The following DEAF1 variants were observed in gnomAD, a reference collection of about 807,000 sequenced individuals.
The protein encoded by DEAF1 is deformed epidermal autoregulatory factor 1 homolog.
In DEAF1, 53 loss-of-function variants were observed where a neutral mutation model predicts 58.9. The ratio of observed to expected loss-of-function variants is 0.90; its 90% CI spans 0.72 to 1.13. DEAF1 has a LOEUF of 1.13. Ranked by LOEUF, DEAF1 falls within the 50% of genes most tolerant of loss-of-function variation. The pLI is 0.00. For missense variants in DEAF1, 685 were observed against 791.4 expected (o/e 0.87, Z 1.61); for synonymous variants, 385 against 340.4 (o/e 1.13, Z -1.44).
chr11:689,801 T>C (rs1225872655), intron 2 of DEAF1: 2 of 152,236 alleles, frequency 1.3e-5, no homozygotes, highest in African/African-American at 4.8e-5. Context: ...CACCAGTCTC[T>C]GGTCTTCCTG....
chr11:678,382 C>T (rs1860175298), intron 9 of DEAF1: 1 of 377,606 alleles, frequency 2.6e-6, no homozygotes, highest in Admixed American at 3.7e-5. Flanking sequence ...GAGTGTCTAC[C>T]CTCAAGAGGA....
chr11:691,966 C>T (rs543708634), intron 1 of DEAF1, among the ~76,000 whole-genome samples: 46 of 152,254 alleles, frequency 3.0e-4, no homozygotes, highest in African/African-American at 9.4e-4. Flanking sequence ...CCTATGCCTA[C>T]GAGGAGCTCT....
At chr11:651,510 A>G in intron 11 of DEAF1, 1 of 253,350 alleles carries the variant, frequency 3.9e-6, no homozygotes, top group Non-Finnish European at 7.6e-6. Flanking sequence ...CAGGAATGAT[A>G]ATTATAAACT....
intron 6 of DEAF1, among the ~76,000 whole-genome samples, 160 bp downstream of exon 6, chr11:684,738 A>C (rs1349800254): frequency 2.0e-5 from 3 of 152,128 alleles, no homozygotes; most frequent in Non-Finnish European, 4.4e-5. Context: ...GTGACGTATC[A>C]GGGAGGAGGG....
intron 4 of DEAF1, 67 bp downstream of exon 4, chr11:687,844 C>T (rs1590017543): frequency 1.2e-6 from 2 of 1,601,774 alleles, no homozygotes; most frequent in East Asian, 4.5e-5. Flanking sequence ...CTTTCTCAGC[C>T]CCCAATTTAT....
In DEAF1 at chr11:672,480, C is replaced by T. The variant is rs191217529; in HGVS notation, c.1503+2056G>A. ...ACGGCCTGGGATGATAATCACTGTT[C>T]GTTATGTGCTTGTCTAGTAGAATCT... On this transcript the variant is annotated intron_variant, in intron 10 of 11. Coordinates refer to ENST00000382409, the MANE Select transcript of DEAF1 (RefSeq NM_021008.4). Among the ~76,000 whole-genome samples the T allele has an allele frequency of 3.3e-5, 5 of 152,114 alleles. No homozygotes were observed. In the East Asian group the frequency reaches 9.6e-4, roughly 29 times the overall value.
At chr11:704,914 G>A (rs1000472372) in intron 1 of DEAF1, 5 of 352,436 alleles carry the variant, frequency 1.4e-5, no homozygotes, top group Non-Finnish European at 2.2e-5. Context: ...GTGAGGGCAC[G>A]GGTGCACCGA....
chr11:653,008 C>T (rs969117243), intron 11 of DEAF1, among the ~76,000 whole-genome samples: 2 of 148,156 alleles, frequency 1.3e-5, no homozygotes, highest in Non-Finnish European at 3.0e-5. Context: ...CGCTTGAACC[C>T]GGGAGGCAGA....
intron 10 of DEAF1, among the ~76,000 whole-genome samples, chr11:658,164 C>A (rs1355275447): frequency 6.6e-6 from 1 of 152,218 alleles, no homozygotes; most frequent in Non-Finnish European, 1.5e-5. Flanking sequence ...CACGGTGGCT[C>A]ACGCCTGTAA....
intron 11 of DEAF1, among the ~76,000 whole-genome samples, chr11:650,219 C>CA (rs2133277521): frequency 6.6e-6 from 1 of 151,182 alleles, no homozygotes; most frequent in Non-Finnish European, 1.5e-5. Context: ...ATTAAAAATA[C>CA]AAAAATTAGC....
rs139818031 is a variant in DEAF1 at position 650,747 on chromosome 11, G to A, written c.1593+3215C>T. Among the ~76,000 whole-genome samples, 142 of 151,970 alleles carry A rather than the reference G, an allele frequency of 9.3e-4. 1 individual carries two copies. The highest frequency in any genetic ancestry group is 3.2e-3 in the African/African-American group (134 of 41,498). On this transcript the variant is annotated intron_variant, in intron 11 of 11. Coordinates refer to ENST00000382409, the MANE Select transcript of DEAF1 (RefSeq NM_021008.4). ...CGGGGGTGGAACACTTGAGTCCAAGGGGTCGAGACCAGCCTGGGCAAAATG... is the reference window on the plus strand; with the variant it reads ...CGGGGGTGGAACACTTGAGTCCAAGAGGTCGAGACCAGCCTGGGCAAAATG...
intron 7 of DEAF1, 195 bp from the exon 8 acceptor site, chr11:680,011 G>GACCAGGATA (rs398038332): frequency 5.9e-6 from 4 of 673,578 alleles, no homozygotes; most frequent in African/African-American, 5.4e-5. Flanking sequence ...AAACCAGGAT[G>GACCAGGATA]GCCAGGATGG....
intron 7 of DEAF1, 45 bp downstream of exon 7, chr11:680,918 C>G: frequency 1.9e-6 from 3 of 1,613,954 alleles, no homozygotes; most frequent in Non-Finnish European, 2.5e-6. Context: ...AGGCAATGCA[C>G]TCAGGTCCCC....
rs541289136 is a variant in DEAF1 at position 701,718 on chromosome 11, G to C, written c.-438+4854C>G. Among the ~76,000 whole-genome samples the C allele has an allele frequency of 8.3e-3, 1,259 of 152,182 alleles. 15 individuals carry two copies. The highest frequency in any genetic ancestry group is 0.029 in the African/African-American group (1,198 of 41,530). On this transcript the variant is annotated intron_variant, in intron 1 of 11. Transcript: ENST00000683307. ...GCCACCGCGCCCGGCCGGAGACAGG[G>C]TTTCGCTATGTTACCCTGGTTGGTC...
chr11:679,597 C>A (rs899164495), intron 8 of DEAF1, 91 bp downstream of exon 8: 2 of 1,584,096 alleles, frequency 1.3e-6, no homozygotes, highest in East Asian at 2.2e-5. Context: ...AGGCACCCAG[C>A]AGCCTATGCA....
chr11:678,638 T>C lies in DEAF1; in HGVS notation c.1255+56A>G, dbSNP rs996371532. On this transcript the variant is annotated intron_variant, in intron 9 of 11. Coordinates refer to ENST00000382409, the MANE Select transcript of DEAF1 (RefSeq NM_021008.4). ...CCCATTTCACTTAGGAATTCTTTCA[T>C]TGGAAGCAATTCTGAGGACAATAAC... The C allele has an allele frequency of 1.8e-5, 29 of 1,611,320 alleles. No individual in the cohort carries two copies. In the Middle Eastern group the frequency reaches 4.9e-4, roughly 27 times the overall value.
intron 10 of DEAF1, among the ~76,000 whole-genome samples, chr11:672,003 G>A (rs562083364): frequency 4.6e-5 from 7 of 152,274 alleles, no homozygotes; most frequent in African/African-American, 1.7e-4. Flanking sequence ...ATGTGGAGCT[G>A]CAGTGTCACT....
chr11:705,845 C>T (rs1861689031), intron 1 of DEAF1, among the ~76,000 whole-genome samples: 1 of 152,228 alleles, frequency 6.6e-6, no homozygotes, highest in Non-Finnish European at 1.5e-5. Flanking sequence ...CGTCCCCCGG[C>T]CTGCTGGGGC....
intron 4 of DEAF1, among the ~76,000 whole-genome samples, chr11:687,206 C>T (rs1224116456): frequency 6.6e-6 from 1 of 152,230 alleles, no homozygotes; most frequent in African/African-American, 2.4e-5. Context: ...GATCTCTCCA[C>T]CCGCTGTCCA....
Sources: gnomAD v4.1 joint callset for allele counts (sites outside exome capture counted in the v4.1 genomes callset) on GRCh38, gnomAD v4.1.1 for gene constraint, MANE v1.5 for transcripts, NCBI Gene and HGNC (gene_info 2026-07-23, HGNC 2026-07-21) for gene names.